PRSS55: variants seen among roughly 807,000 people sequenced by gnomAD.
The protein encoded by PRSS55 is probable serine protease UNQ9391/PRO34284.
Under a neutral mutation model 23.6 loss-of-function variants are expected in PRSS55, and 41 were observed. That is an observed-to-expected ratio of 1.74 (90% confidence interval 1.35 to 2.26). PRSS55 has a LOEUF of 2.26. Ranked by LOEUF, PRSS55 falls within the 30% of genes most tolerant of loss-of-function variation. The pLI, the probability that PRSS55 is intolerant of heterozygous loss-of-function variation, is 0.00. For missense variants in PRSS55, 669 were observed against 439.1 expected (o/e 1.52, Z -4.68); for synonymous variants, 262 against 175.5 (o/e 1.49, Z -3.90).
At chr8:10,536,738 A>G (rs1229359924) in intron 4 of PRSS55, among the ~76,000 whole-genome samples, 2 of 152,232 alleles carry the variant, frequency 1.3e-5, no homozygotes, top group Non-Finnish European at 2.9e-5. Context: ...GCTAGAGGCC[A>G]TTATTCTAAG....
intron 3 of PRSS55, 141 bp downstream of exon 3, chr8:10,531,686 G>C: frequency 1.6e-6 from 2 of 1,272,252 alleles, no homozygotes; most frequent in Non-Finnish European, 2.1e-6. Flanking sequence ...CCAAAGTTTA[G>C]CTCCTTTTGG....
At chr8:10,544,933 A>C (rs954262214) in intron 4 of PRSS55, 2 of 745,450 alleles carry the variant, frequency 2.7e-6, no homozygotes, top group Non-Finnish European at 1.6e-6. Context: ...AAAGGAGATA[A>C]AGTATGTATT....
At chr8:10,536,089 G>T (rs1812443337) in intron 4 of PRSS55, among the ~76,000 whole-genome samples, 2 of 152,164 alleles carry the variant, frequency 1.3e-5, no homozygotes, top group Non-Finnish European at 2.9e-5. Context: ...GGGGGGCTGA[G>T]GCAGGAGAAC....
rs968263744 is a variant in PRSS55 at position 10,526,379 on chromosome 8, C to T, written c.154+640C>T. Reference sequence around the variant, plus strand: ...ATGATAGAGCTGTCTGCCTGGCCTGCGCTGGGTGACCGCAGCGCCAGGCTG... The same window carrying T: ...ATGATAGAGCTGTCTGCCTGGCCTGTGCTGGGTGACCGCAGCGCCAGGCTG... On this transcript the variant is annotated intron_variant, in intron 1 of 4. Coordinates refer to ENST00000328655, the MANE Select transcript of PRSS55 (RefSeq NM_198464.4). Among the ~76,000 whole-genome samples, 12 of 152,194 alleles carry T rather than the reference C, an allele frequency of 7.9e-5. 1 individual carries two copies. Among genetic ancestry groups the T allele is most frequent in the Non-Finnish European group, 1.6e-4 (11 of 68,022 alleles).
chr8:10,551,589 G>T (rs922664258), intron 4 of PRSS55, among the ~76,000 whole-genome samples: 6 of 152,230 alleles, frequency 3.9e-5, no homozygotes, highest in Admixed American at 2.6e-4. Flanking sequence ...CTTGTGCGAG[G>T]TAGGGGCACC....
At chr8:10,541,260 G>C (rs1384373800), downstream of PRSS55, 1 of 152,370 alleles carries the variant, frequency 6.6e-6, no homozygotes, top group Non-Finnish European at 1.5e-5. Flanking sequence ...TCAACTTGGA[G>C]GGGATCTGTG....
At chr8:10,540,043 C>T (rs1049979150), downstream of PRSS55, among the ~76,000 whole-genome samples, 15 of 152,178 alleles carry the variant, frequency 9.9e-5, no homozygotes, top group African/African-American at 3.6e-4. Flanking sequence ...CCTTCATGTT[C>T]AGAGGCTCTC....
intron 4 of PRSS55, chr8:10,545,098 C>A: frequency 3.0e-6 from 2 of 659,132 alleles, no homozygotes; most frequent in Non-Finnish European, 3.8e-6. Flanking sequence ...GGTTTTGCTT[C>A]GAAATTTCCA....
downstream of PRSS55, among the ~76,000 whole-genome samples, chr8:10,543,450 TCCTTCC>T (rs1812722386): frequency 4.4e-5 from 1 of 22,720 alleles, no homozygotes; most frequent in African/African-American, 7.8e-5. Context: ...CTTCCATCCT[TCCTTCC>T]TTCCTTCCTT....
downstream of PRSS55, among the ~76,000 whole-genome samples, chr8:10,543,259 G>A (rs1308949055): frequency 6.6e-6 from 1 of 152,052 alleles, no homozygotes; most frequent in Non-Finnish European, 1.5e-5. Context: ...CTGACCCTTG[G>A]AGAATGTAAG....
At chr8:10,538,884 A>T (rs1812554553), downstream of PRSS55, 1 of 1,324,830 alleles carries the variant, frequency 7.5e-7, no homozygotes, top group South Asian at 1.5e-5. Flanking sequence ...GGGCTCAAGG[A>T]TGGAAATTGA....
intron 4 of PRSS55, among the ~76,000 whole-genome samples, chr8:10,552,326 C>T (rs1286171655): frequency 6.6e-6 from 1 of 152,172 alleles, no homozygotes; most frequent in Non-Finnish European, 1.5e-5. Flanking sequence ...CTCCAGGAAA[C>T]ATCTTCCTAC....
At chr8:10,548,532 G>A (rs1003388901) in intron 4 of PRSS55, among the ~76,000 whole-genome samples, 12 of 152,180 alleles carry the variant, frequency 7.9e-5, no homozygotes, top group African/African-American at 2.9e-4. Context: ...GCTGGGAGAC[G>A]GTTTCCCTCA....
rs746803809 is a variant in PRSS55 at position 10,533,172 on chromosome 8, G to A, written c.741+124G>A. The A allele has an allele frequency of 5.7e-6, 6 of 1,056,248 alleles. No individual in the cohort carries two copies. In the African/African-American group the frequency reaches 6.4e-5, roughly 11 times the overall value. 65.4% of individuals were successfully genotyped at this position (1,056,248 alleles called of 1,614,324 possible). A position where few individuals can be genotyped will look rare whatever the true frequency, so the allele number is the denominator to read the frequency against. ...GTCTGGAAAATGTATGGGAATTAGG[G>A]CCTGCAGCCATGAGAATGAGTATGT... On this transcript the variant is annotated intron_variant, in intron 4 of 4. Coordinates refer to ENST00000328655, the MANE Select transcript of PRSS55 (RefSeq NM_198464.4).
downstream of PRSS55, among the ~76,000 whole-genome samples, chr8:10,542,513 T>C (rs1301428307): frequency 6.6e-6 from 1 of 151,396 alleles, no homozygotes; most frequent in African/African-American, 2.4e-5. Context: ...TATTTAAGAA[T>C]AAAGGGTGAG....
intron 4 of PRSS55, chr8:10,553,844 G>C (rs1750904353): frequency 1.4e-6 from 1 of 727,384 alleles, no homozygotes; most frequent in Admixed American, 3.0e-5. Context: ...AGTTTAATTG[G>C]AGTAACCATT....
downstream of PRSS55, among the ~76,000 whole-genome samples, chr8:10,542,685 T>C (rs1812691643): frequency 6.6e-6 from 1 of 151,160 alleles, no homozygotes; most frequent in Non-Finnish European, 1.5e-5. Context: ...CTGGCCAAGA[T>C]GGTGAAACCC....
chr8:10,530,341 G>A (rs1267122796), intron 2 of PRSS55, among the ~76,000 whole-genome samples: 1 of 152,226 alleles, frequency 6.6e-6, no homozygotes, highest in African/African-American at 2.4e-5. Context: ...TGGGCGCGGT[G>A]GCGTGCGCCT....
chr8:10,549,740 G>C (rs1442235588), intron 4 of PRSS55, among the ~76,000 whole-genome samples: 1 of 152,156 alleles, frequency 6.6e-6, no homozygotes, highest in African/African-American at 2.4e-5. Context: ...GAGAAAGACG[G>C]AGTGCTTGGG....
Sources: allele counts gnomAD v4.1 joint callset (sites outside exome capture counted in the v4.1 genomes callset), GRCh38; gene constraint gnomAD v4.1.1; transcripts MANE v1.5; gene names NCBI Gene and HGNC (gene_info 2026-07-23, HGNC 2026-07-21).